C1orf122: variants seen among roughly 807,000 people sequenced by gnomAD.
The protein encoded by C1orf122 is chromosome 1 open reading frame 122.
A neutral mutation model predicts 12.9 loss-of-function variants in C1orf122; 12 were observed. The ratio of observed to expected loss-of-function variants is 0.93; its 90% confidence interval spans 0.60 to 1.51. The LOEUF (loss-of-function observed/expected upper bound fraction) is 1.51. Among genes scored for constraint, C1orf122 ranks in the 40% most tolerant of loss-of-function variants. C1orf122 has a pLI of 0.00. For synonymous variants in C1orf122, 57 were observed against 73.4 expected (o/e 0.78, Z 1.14); for missense variants, 144 against 162.1 (o/e 0.89, Z 0.61).
At position 37,809,002 on chromosome 1, in the gene C1orf122, C is replaced by A. The variant is rs768009780; in HGVS notation, c.262C>A (p.Pro88Thr). Reference protein sequence around the residue: ...GGNVSAKPGAPPQPAVSARGG... With the variant: ...GGNVSAKPGATPQPAVSARGG... Reference sequence around the variant, plus strand: ...GAACGTCTCAGCCAAACCTGGAGCGCCCCCCCAGCCGGCTGTCTCCGCCAG... The same window carrying A: ...GAACGTCTCAGCCAAACCTGGAGCGACCCCCCAGCCGGCTGTCTCCGCCAG... The change falls in exon 3 of 3, where the codon CCC (proline) becomes ACC (threonine). Residue 88 changes from proline to threonine, a missense_variant. By Grantham distance (38) the Pro-to-Thr change is conservative (BLOSUM62 -1). Coordinates refer to ENST00000373042, the MANE Select transcript of C1orf122 (RefSeq NM_198446.3). 7 of 1,613,266 alleles carry A rather than the reference C, an allele frequency of 4.3e-6. No individual in the cohort carries two copies. Among genetic ancestry groups the A allele is most frequent in the Non-Finnish European group, 5.9e-6 (7 of 1,179,890 alleles).
At position 37,807,968 on chromosome 1, in the gene C1orf122, C is replaced by A; in HGVS notation, c.-437C>A. ...CGGCGCGCAGCTCGGCCACGGCGGCCCGCAGCGCCTCGGTCCAGCCGGCGC... is the reference window on the plus strand; with the variant it reads ...CGGCGCGCAGCTCGGCCACGGCGGCACGCAGCGCCTCGGTCCAGCCGGCGC... On this transcript the variant is annotated 5_prime_UTR_variant, in exon 1 of 3. Coordinates refer to ENST00000373042, the MANE Select transcript of C1orf122 (RefSeq NM_198446.3). The A allele has an allele frequency of 8.2e-7, 1 of 1,216,824 alleles. No homozygotes were observed. Among genetic ancestry groups the A allele is most frequent in the Non-Finnish European group, 1.0e-6 (1 of 978,660 alleles). The allele number at this position is 1,216,824 out of a possible 1,614,324, so 75.4% of individuals were successfully genotyped here. A position where few individuals can be genotyped will look rare whatever the true frequency, so the allele number is the denominator to read the frequency against.
rs1390487830 is a variant in C1orf122, at chr1:37,809,142, C to T, written c.*69C>T. 1.9e-6 allele frequency: 3 copies of T among 1,549,862 alleles called. No homozygotes were observed. The highest frequency in any genetic ancestry group is 2.7e-6 in the Non-Finnish European group (3 of 1,121,472). Reference sequence around the variant, plus strand: ...CCGGTGGCTGGACTCTGAACAACTCCCTTCAGTAAAGGGGCCAGTCTTCAC... The same window carrying T: ...CCGGTGGCTGGACTCTGAACAACTCTCTTCAGTAAAGGGGCCAGTCTTCAC... On this transcript the variant is annotated 3_prime_UTR_variant, in exon 3 of 3. Transcript: ENST00000373042.
Position 37,809,138 on chromosome 1 carries a change from A to T in C1orf122, c.*65A>T. The T allele has an allele frequency of 3.8e-6, 6 of 1,559,034 alleles. No homozygotes were observed. The highest frequency in any genetic ancestry group is 5.3e-6 in the Non-Finnish European group (6 of 1,129,986). ...AGGGCCGGTGGCTGGACTCTGAACA[A>T]CTCCCTTCAGTAAAGGGGCCAGTCT... On this transcript the variant is annotated 3_prime_UTR_variant, in exon 3 of 3. Coordinates refer to ENST00000373042, the MANE Select transcript of C1orf122 (RefSeq NM_198446.3).
Position 37,807,808 on chromosome 1 carries a change from C to G in C1orf122, c.-597C>G, listed in dbSNP as rs1398535981. The G allele has an allele frequency of 2.0e-6, 3 of 1,509,150 alleles. No individual in the cohort carries two copies. Among genetic ancestry groups the G allele is most frequent in the Non-Finnish European group, 2.6e-6 (3 of 1,133,304 alleles). 93.5% of individuals were successfully genotyped at this position (1,509,150 alleles called of 1,614,324 possible). A position where few individuals can be genotyped will look rare whatever the true frequency, so the allele number is the denominator to read the frequency against. ...CGGCCTTACCTGTAGACGTCGGCCA[C>G]GCGGCCGAGGCATACGGCCAGAGGC... On this transcript the variant is annotated 5_prime_UTR_variant, in exon 1 of 3. Coordinates refer to ENST00000373042, the MANE Select transcript of C1orf122 (RefSeq NM_198446.3).
Position 37,808,155 on chromosome 1 carries a change from C to T in C1orf122, c.-250C>T, listed in dbSNP as rs1312750069. Reference sequence around the variant, plus strand: ...GCTGGCAGCCACCGCGGCCCTCATCCCCCTGCACCGACGCGCCGGAGACAT... The same window carrying T: ...GCTGGCAGCCACCGCGGCCCTCATCTCCCTGCACCGACGCGCCGGAGACAT... On this transcript the variant is annotated 5_prime_UTR_variant, in exon 1 of 3. Transcript: ENST00000373042. The T allele has an allele frequency of 6.8e-6, 10 of 1,466,562 alleles. No homozygotes were observed. Among genetic ancestry groups the T allele is most frequent in the Admixed American group, 2.4e-5 (1 of 41,190 alleles). 90.8% of individuals were successfully genotyped at this position (1,466,562 alleles called of 1,614,324 possible).
In C1orf122 at chr1:37,807,814, C is replaced by G; in HGVS notation, c.-591C>G. On this transcript the variant is annotated 5_prime_UTR_variant, in exon 1 of 3. Coordinates refer to ENST00000373042, the MANE Select transcript of C1orf122 (RefSeq NM_198446.3). ...TACCTGTAGACGTCGGCCACGCGGC[C>G]GAGGCATACGGCCAGAGGCTTGGCC... is the stretch of plus-strand genomic sequence containing the variant. 6.6e-7 allele frequency: 1 copy of G among 1,509,784 alleles called. No homozygotes were observed. The highest frequency in any genetic ancestry group is 1.4e-5 in the African/African-American group (1 of 70,884). The allele number at this position is 1,509,784 out of a possible 1,614,324, so 93.5% of individuals were successfully genotyped here. A position where few individuals can be genotyped will look rare whatever the true frequency, so the allele number is the denominator to read the frequency against.
chr1:37,809,070 C>T lies in C1orf122; in HGVS notation c.330C>T (p.Pro110=), dbSNP rs768332112. The T allele has an allele frequency of 4.3e-6, 7 of 1,613,578 alleles. No homozygotes were observed. In the Admixed American group the frequency reaches 5.0e-5, roughly 12 times the overall value. Residue 110 remains proline (P), a synonymous_variant, in exon 3 of 3, where the codon CCC becomes CCT. Coordinates refer to ENST00000373042, the MANE Select transcript of C1orf122 (RefSeq NM_198446.3). ...PKDAGDGAAE[P] ...ATGCTGGCGATGGAGCTGCGGAGCCCTGACCATCCCCGAGCAGAATACCCT... is the reference window on the plus strand; with the variant it reads ...ATGCTGGCGATGGAGCTGCGGAGCCTTGACCATCCCCGAGCAGAATACCCT...
rs1206599314 is a variant in C1orf122, at chr1:37,808,590, C to G, written c.95C>G (p.Pro32Arg). Residue 32 changes from proline to arginine, a missense_variant, in exon 2 of 3, where the codon CCA (proline) becomes CGA (arginine). Pro to Arg is a moderately radical substitution (Grantham distance 103). Transcript: ENST00000373042. The stretch of plus-strand genomic sequence containing the variant: ...CTGGGGCTCGGCGGGAGGCCACCCC[C>G]ACAGCCGCCCCGGGAGGAGCGCGCC... ...AGLGLGGRPPPQPPREERAQQ... is the reference protein window; with the variant it reads ...AGLGLGGRPPRQPPREERAQQ... 3 of 1,295,018 alleles carry G rather than the reference C, an allele frequency of 2.3e-6. No homozygotes were observed. Among genetic ancestry groups the G allele is most frequent in the South Asian group, 2.3e-5 (1 of 42,604 alleles). The allele number at this position is 1,295,018 out of a possible 1,614,324, so 80.2% of individuals were successfully genotyped here. A position where few individuals can be genotyped will look rare whatever the true frequency, so the allele number is the denominator to read the frequency against.
Position 37,808,110 on chromosome 1 carries a change from G to T in C1orf122, c.-295G>T. On this transcript the variant is annotated 5_prime_UTR_variant, in exon 1 of 3. It adds an upstream start codon to the 5' untranslated region. Transcript: ENST00000373042. ...GAGGCGACCGCTCCGGGAGCCAGCA[G>T]GCCCCTCGCTCAACCCCACGCTGGC... 6.9e-7 allele frequency: 1 copy of T among 1,444,358 alleles called. No individual in the cohort carries two copies. The highest frequency in any genetic ancestry group is 9.1e-7 in the Non-Finnish European group (1 of 1,103,652). The allele number at this position is 1,444,358 out of a possible 1,614,324, so 89.5% of individuals were successfully genotyped here.
At position 37,809,014 on chromosome 1, in the gene C1orf122, G is replaced by T. The variant is rs1646766131; in HGVS notation, c.274G>T (p.Ala92Ser). The change falls in exon 3 of 3, where the codon GCT becomes TCT. Residue 92 changes from alanine to serine, a missense_variant. By Grantham distance (99) the Ala-to-Ser change is moderately conservative. Transcript: ENST00000373042. The stretch of plus-strand genomic sequence containing the variant: ...CAAACCTGGAGCGCCCCCCCAGCCG[G>T]CTGTCTCCGCCAGAGGCGGCTTTCC... ...SAKPGAPPQP[A>S]VSARGGFPKD... 1 of 1,613,860 alleles carries T rather than the reference G, an allele frequency of 6.2e-7. No individual in the cohort carries two copies. Among genetic ancestry groups the T allele is most frequent in the East Asian group, 2.2e-5 (1 of 44,878 alleles).
At position 37,808,714 on chromosome 1, in the gene C1orf122, G is replaced by A. The variant is rs760246000; in HGVS notation, c.219G>A (p.Pro73=). ...TACGGCAGCTGGGCCGCCGGCGCCC[G>A]GAGCCGGCTGGTGGCGGGGTTAGTG... The part of the protein sequence containing the change: ...EMLRQLGRRR[P]EPAGGGNVSA... The change falls in exon 2 of 3, where the codon CCG becomes CCA. Residue 73 remains proline, a synonymous_variant. Coordinates refer to ENST00000373042, the MANE Select transcript of C1orf122 (RefSeq NM_198446.3). 1.4e-6 allele frequency: 2 copies of A among 1,425,512 alleles called. No homozygotes were observed. The highest frequency in any genetic ancestry group is 1.5e-5 in the South Asian group (1 of 65,782). The allele number at this position is 1,425,512 out of a possible 1,614,324, so 88.3% of individuals were successfully genotyped here. A position where few individuals can be genotyped will look rare whatever the true frequency, so the allele number is the denominator to read the frequency against.
chr1:37,808,718 C>G lies in C1orf122; in HGVS notation c.223C>G (p.Pro75Ala). Reference protein sequence around the residue: ...LRQLGRRRPEPAGGGNVSAKP... With the variant: ...LRQLGRRRPEAAGGGNVSAKP... ...GCAGCTGGGCCGCCGGCGCCCGGAG[C>G]CGGCTGGTGGCGGGGTTAGTGCCCA... The change falls in exon 2 of 3, where the codon CCG (proline) becomes GCG (alanine). Residue 75 changes from proline (P) to alanine (A), a missense_variant. Transcript: ENST00000373042. 7.0e-7 allele frequency: 1 copy of G among 1,427,782 alleles called. No individual in the cohort carries two copies. Among genetic ancestry groups the G allele is most frequent in the Non-Finnish European group, 9.1e-7 (1 of 1,103,426 alleles). The allele number at this position is 1,427,782 out of a possible 1,614,324, so 88.4% of individuals were successfully genotyped here. A position where few individuals can be genotyped will look rare whatever the true frequency, so the allele number is the denominator to read the frequency against.
chr1:37,808,574 G>A lies in C1orf122; in HGVS notation c.79G>A (p.Gly27Ser). The change falls in exon 2 of 3, where the codon GGC becomes AGC. Residue 27 changes from glycine to serine, a missense_variant. By Grantham distance (56) the Gly-to-Ser change is moderately conservative. Transcript: ENST00000373042. ...CCGCGGGAAGGCGGGGCTGGGGCTC[G>A]GCGGGAGGCCACCCCCACAGCCGCC... ...VDRGKAGLGL[G>S]GRPPPQPPRE... is the part of the protein sequence containing the mutation. 7.7e-7 allele frequency: 1 copy of A among 1,292,572 alleles called. No homozygotes were observed. The highest frequency in any genetic ancestry group is 1.5e-5 in the African/African-American group (1 of 64,788). 80.1% of individuals were successfully genotyped at this position (1,292,572 alleles called of 1,614,324 possible). A position where few individuals can be genotyped will look rare whatever the true frequency, so the allele number is the denominator to read the frequency against.
chr1:37,809,035 T>A lies in C1orf122; in HGVS notation c.295T>A (p.Phe99Ile). The change falls in exon 3 of 3, where the codon TTT becomes ATT. Residue 99 changes from phenylalanine to isoleucine, a missense_variant. Coordinates refer to ENST00000373042, the MANE Select transcript of C1orf122 (RefSeq NM_198446.3). Reference sequence around the variant, plus strand: ...GCCGGCTGTCTCCGCCAGAGGCGGCTTTCCAAAGGATGCTGGCGATGGAGC... The same window carrying A: ...GCCGGCTGTCTCCGCCAGAGGCGGCATTCCAAAGGATGCTGGCGATGGAGC... ...PQPAVSARGG[F>I]PKDAGDGAAE... is the part of the protein sequence containing the mutation. The A allele has an allele frequency of 1.9e-6, 3 of 1,613,928 alleles. No homozygotes were observed. The highest frequency in any genetic ancestry group is 2.5e-6 in the Non-Finnish European group (3 of 1,180,032).
At position 37,808,418 on chromosome 1, in the gene C1orf122, C is replaced by T. The variant is rs1015855102; in HGVS notation, c.14C>T (p.Pro5Leu). The T allele has an allele frequency of 9.3e-6, 12 of 1,284,476 alleles. No homozygotes were observed. Among genetic ancestry groups the T allele is most frequent in the Admixed American group, 4.2e-5 (1 of 23,858 alleles). The allele number at this position is 1,284,476 out of a possible 1,614,324, so 79.6% of individuals were successfully genotyped here. MEWG[P>L]GSDWSRGEAA... ...GCGCAAGCGGAGATGGAATGGGGCC[C>T]GGGCTCAGACTGGTCACGGGGGTGA... The change falls in exon 1 of 3, where the codon CCG (proline) becomes CTG (leucine). Residue 5 changes from proline (P) to leucine (L), a missense_variant. Coordinates refer to ENST00000373042, the MANE Select transcript of C1orf122 (RefSeq NM_198446.3).
Position 37,808,130 on chromosome 1 carries a change from G to A in C1orf122, c.-275G>A, listed in dbSNP as rs1234288606. 13 of 1,468,762 alleles carry A rather than the reference G, an allele frequency of 8.9e-6. No homozygotes were observed. Among genetic ancestry groups the A allele is most frequent in the East Asian group, 3.0e-5 (1 of 33,232 alleles). The allele number at this position is 1,468,762 out of a possible 1,614,324, so 91.0% of individuals were successfully genotyped here. ...CAGCAGGCCCCTCGCTCAACCCCAC[G>A]CTGGCAGCCACCGCGGCCCTCATCC... is the stretch of plus-strand genomic sequence containing the variant. On this transcript the variant is annotated 5_prime_UTR_variant, in exon 1 of 3. Transcript: ENST00000373042.
rs1557580839 is a variant in C1orf122, at chr1:37,809,063, C to T, written c.323C>T (p.Ala108Val). The T allele has an allele frequency of 6.2e-7, 1 of 1,614,036 alleles. No homozygotes were observed. Among genetic ancestry groups the T allele is most frequent in the Non-Finnish European group, 8.5e-7 (1 of 1,180,018 alleles). Residue 108 changes from alanine (A) to valine (V), a missense_variant, in exon 3 of 3, where the codon GCG becomes GTG. Coordinates refer to ENST00000373042, the MANE Select transcript of C1orf122 (RefSeq NM_198446.3). ...GFPKDAGDGAAEP is the reference protein window; with the variant it reads ...GFPKDAGDGAVEP ...CCAAAGGATGCTGGCGATGGAGCTG[C>T]GGAGCCCTGACCATCCCCGAGCAGA...
At position 37,808,203 on chromosome 1, in the gene C1orf122, G is replaced by T; in HGVS notation, c.-202G>T. The stretch of plus-strand genomic sequence containing the variant: ...CATCCGCCCAGGCCCGCTTCCGGGA[G>T]GAAGTGACGCTCCCAGCCAGCTTCC... On this transcript the variant is annotated 5_prime_UTR_variant, in exon 1 of 3. The change creates a new upstream start codon in the 5' untranslated region. Coordinates refer to ENST00000373042, the MANE Select transcript of C1orf122 (RefSeq NM_198446.3). The T allele has an allele frequency of 7.0e-7, 1 of 1,420,746 alleles. No homozygotes were observed. The highest frequency in any genetic ancestry group is 9.2e-7 in the Non-Finnish European group (1 of 1,092,224). The allele number at this position is 1,420,746 out of a possible 1,614,324, so 88.0% of individuals were successfully genotyped here.
rs757125959 is a variant in C1orf122, at chr1:37,808,441, TGA to T, written c.35+6_35+7del. On this transcript the variant is annotated splice_donor_region_variant and intron_variant, in intron 1 of 2. Transcript: ENST00000373042. ...CCCGGGCTCAGACTGGTCACGGGGG[TGA>T]GAGGGGGCCCGTCGGGGCGGGAGGA... 1.2e-4 allele frequency: 156 copies of T among 1,272,054 alleles called. No homozygotes were observed. Among genetic ancestry groups the T allele is most frequent in the Non-Finnish European group, 1.5e-4 (150 of 1,011,006 alleles). 78.8% of individuals were successfully genotyped at this position (1,272,054 alleles called of 1,614,324 possible). A position where few individuals can be genotyped will look rare whatever the true frequency, so the allele number is the denominator to read the frequency against.
Sources: gnomAD v4.1 joint callset for allele counts on GRCh38, gnomAD v4.1.1 for gene constraint, MANE v1.5 for transcripts, NCBI Gene and HGNC (gene_info 2026-07-23, HGNC 2026-07-21) for gene names.